NUDT4: variants seen among roughly 807,000 people sequenced by gnomAD.
NUDT4 encodes the protein diphosphoinositol polyphosphate phosphohydrolase 2.
In NUDT4, 5 loss-of-function variants were observed where a neutral mutation model predicts 23.1. The observed-to-expected ratio is 0.22, with a 90% confidence interval of 0.11 to 0.46. The LOEUF is 0.46. Among genes scored for constraint, NUDT4 ranks in the 20% least tolerant of loss-of-function variants. NUDT4 has a pLI of 0.99. For missense variants in NUDT4, 96 were observed against 211.6 expected, an observed-to-expected ratio of 0.45 and a Z score of 3.39; for synonymous variants, 50 against 79.0, an observed-to-expected ratio of 0.63 and a Z score of 1.95.
At chr12:93,393,457 G>T (rs1285861706) in intron 1 of NUDT4, among the ~76,000 whole-genome samples, 1 of 152,042 alleles carries the variant, frequency 6.6e-6, no homozygotes, top group Non-Finnish European at 1.5e-5. Context: ...TCCAAATTAA[G>T]GGCCAGACAA....
chr12:93,394,561 C>T (rs377601778), intron 1 of NUDT4, 48 bp from the exon 2 acceptor site: 52 of 1,030,712 alleles, frequency 5.0e-5, no homozygotes, highest in African/African-American at 9.6e-5. Flanking sequence ...TGTTTATATA[C>T]GAAGTGCTTC....
chr12:93,397,464 T>C (rs1877012350), intron 3 of NUDT4, among the ~76,000 whole-genome samples: 1 of 152,046 alleles, frequency 6.6e-6, no homozygotes, highest in Admixed American at 6.5e-5. Flanking sequence ...TTAATCAGGA[T>C]GAAGGAAGGC....
intron 1 of NUDT4, among the ~76,000 whole-genome samples, chr12:93,384,462 T>G (rs2120875448): frequency 6.6e-6 from 1 of 151,998 alleles, no homozygotes; most frequent in East Asian, 1.9e-4. Context: ...CCACCGTGCC[T>G]GGCCTGGGGT....
At position 93,399,212 on chromosome 12, in the gene NUDT4, A is replaced by G; in HGVS notation, c.376A>G (p.Ile126Val). The G allele has an allele frequency of 6.2e-7, 1 of 1,601,896 alleles. No homozygotes were observed. The highest frequency in any genetic ancestry group is 8.6e-7 in the Non-Finnish European group (1 of 1,169,122). ...AGAGTGGTTCAAAGTAGAAGATGCT[A>G]TCAAAGTTCTCCAGTGTCATAAACC... Reference protein sequence around the residue: ...KREWFKVEDAIKVLQCHKPVH... With the variant: ...KREWFKVEDAVKVLQCHKPVH... Residue 126 changes from isoleucine (I) to valine (V), a missense_variant, in exon 5 of 5, where the codon ATC (isoleucine) becomes GTC (valine). By Grantham distance (29) the Ile-to-Val change is conservative. Transcript: ENST00000415493.
Position 93,407,953 on chromosome 12 carries a change from C to G in NUDT4, c.*8574C>G, listed in dbSNP as rs917114159. The G allele has an allele frequency of 2.6e-5, 4 of 152,244 alleles. No individual in the cohort carries two copies. Among genetic ancestry groups the G allele is most frequent in the African/African-American group, 9.6e-5 (4 of 41,472 alleles). The allele number at this position is 152,244 out of a possible 1,614,324, so 9.4% of individuals were successfully genotyped here. On this transcript the variant is annotated 3_prime_UTR_variant, in exon 5 of 5. Transcript: ENST00000415493. The stretch of plus-strand genomic sequence containing the variant: ...ATGATACCATGAAATTAGAAATTCA[C>G]TGCATTTGAAATGAAAATGACTTAT...
At chr12:93,390,108 T>G (rs1208870334) in intron 1 of NUDT4, among the ~76,000 whole-genome samples, 2 of 152,222 alleles carry the variant, frequency 1.3e-5, no homozygotes, top group Non-Finnish European at 2.9e-5. Flanking sequence ...TTGAACTCCC[T>G]ATTTACTATT....
intron 1 of NUDT4, among the ~76,000 whole-genome samples, chr12:93,386,579 C>CAAA: frequency 7.5e-6 from 1 of 133,468 alleles, no homozygotes; most frequent in Non-Finnish European, 1.6e-5. Flanking sequence ...GACCCTGTTT[C>CAAA]AAAAAAAAAA....
rs1175756118 is a variant in NUDT4, at chr12:93,378,394, G to C, written c.72G>C (p.Leu24=). 1 of 1,554,440 alleles carries C rather than the reference G, an allele frequency of 6.4e-7. No homozygotes were observed. ...GCTTCAAGAAGCGGGCGGCGTGCCT[G>C]TGCTTCCGGAGCGAGCAGGAGGACG... ...REGFKKRAAC[L]CFRSEQEDEV... is the part of the protein sequence containing the mutation. The change falls in exon 1 of 5, where the codon CTG becomes CTC. Residue 24 remains leucine (L), a synonymous_variant. Coordinates refer to ENST00000415493, the MANE Select transcript of NUDT4 (RefSeq NM_019094.6).
At chr12:93,398,133 G>C (rs144870609) in intron 3 of NUDT4, among the ~76,000 whole-genome samples, 1 of 151,798 alleles carries the variant, frequency 6.6e-6, no homozygotes, top group Admixed American at 6.6e-5. Context: ...ATGAGGTCAG[G>C]GTTTAAGACC....
At chr12:93,389,130 T>C (rs1240488996) in intron 1 of NUDT4, among the ~76,000 whole-genome samples, 2 of 152,232 alleles carry the variant, frequency 1.3e-5, no homozygotes, top group Non-Finnish European at 2.9e-5. Flanking sequence ...TGTGAATCAT[T>C]TCTGGACCAT....
In NUDT4 at chr12:93,401,778, TC is replaced by T. The variant is rs1251513346; in HGVS notation, c.*2401del. On this transcript the variant is annotated 3_prime_UTR_variant, in exon 5 of 5. Coordinates refer to ENST00000415493, the MANE Select transcript of NUDT4 (RefSeq NM_019094.6). Reference sequence around the variant, plus strand: ...TTACATGAGGGGTTCTTCACGATTCTCCTGGAACCCAGTCTAGCAAAATGAG... The same window carrying T: ...TTACATGAGGGGTTCTTCACGATTCTCTGGAACCCAGTCTAGCAAAATGAG... 7.2e-6 allele frequency: 1 copy of T among 139,718 alleles called. No homozygotes were observed. Among genetic ancestry groups the T allele is most frequent in the Non-Finnish European group, 1.6e-5 (1 of 62,872 alleles). 8.7% of individuals were successfully genotyped at this position (139,718 alleles called of 1,614,324 possible).
rs1294083133 is a variant in NUDT4 at position 93,385,951 on chromosome 12, A to T, written c.99+7530A>T. Among the ~76,000 whole-genome samples the T allele has an allele frequency of 3.0e-5, 4 of 135,194 alleles. No individual in the cohort carries two copies. The South Asian group carries it at 7.0e-4, about 24-fold the overall frequency. 88.7% of individuals were successfully genotyped at this position (135,194 alleles called of 152,430 possible). A position where few individuals can be genotyped will look rare whatever the true frequency, so the allele number is the denominator to read the frequency against. ...ATATAGTAAATCTTTTTATATATAT[A>T]TATATATATATATATATATACATAA... On this transcript the variant is annotated intron_variant, in intron 1 of 4. Coordinates refer to ENST00000415493, the MANE Select transcript of NUDT4 (RefSeq NM_019094.6).
intron 1 of NUDT4, among the ~76,000 whole-genome samples, chr12:93,390,077 A>T (rs1876378304): frequency 6.6e-6 from 1 of 152,212 alleles, no homozygotes; most frequent in Non-Finnish European, 1.5e-5. Context: ...CAGGACTGCA[A>T]CATTTTGAAT....
chr12:93,395,583 C>A, intron 3 of NUDT4, 50 bp downstream of exon 3: 2 of 1,397,096 alleles, frequency 1.4e-6, no homozygotes, highest in East Asian at 2.3e-5. Context: ...TTAATGATTT[C>A]TTCCTAACCA....
intron 1 of NUDT4, among the ~76,000 whole-genome samples, chr12:93,382,619 A>G (rs1875753568): frequency 6.8e-6 from 1 of 147,740 alleles, no homozygotes; most frequent in South Asian, 2.2e-4. Context: ...CCTTGAAGGT[A>G]TTTCTTTCAA....
rs575340766 is a variant in NUDT4, at chr12:93,404,214, A to G, written c.*4835A>G. 5 of 152,362 alleles carry G rather than the reference A, an allele frequency of 3.3e-5. No homozygotes were observed. Among genetic ancestry groups the G allele is most frequent in the Admixed American group, 6.5e-5 (1 of 15,300 alleles). The allele number at this position is 152,362 out of a possible 1,614,324, so 9.4% of individuals were successfully genotyped here. On this transcript the variant is annotated 3_prime_UTR_variant, in exon 5 of 5. Transcript: ENST00000415493. The stretch of plus-strand genomic sequence containing the variant: ...ACGAAGTAAATATACTAGGAATTCA[A>G]CGTATCTACGGGAATGTGGACAAAG...
At chr12:93,382,500 C>T (rs988186876) in intron 1 of NUDT4, among the ~76,000 whole-genome samples, 1 of 152,050 alleles carries the variant, frequency 6.6e-6, no homozygotes, top group Non-Finnish European at 1.5e-5. Flanking sequence ...AATACTAATT[C>T]AAAATATTAC....
In NUDT4 at chr12:93,407,694, G is replaced by A. The variant is rs1490804726; in HGVS notation, c.*8315G>A. 1 of 152,188 alleles carries A rather than the reference G, an allele frequency of 6.6e-6. No homozygotes were observed. Among genetic ancestry groups the A allele is most frequent in the African/African-American group, 2.4e-5 (1 of 41,444 alleles). 9.4% of individuals were successfully genotyped at this position (152,188 alleles called of 1,614,324 possible). A position where few individuals can be genotyped will look rare whatever the true frequency, so the allele number is the denominator to read the frequency against. ...TGCAAATCTCCCAATTTTTAAAAAT[G>A]TTGGCATCAAATTCAGAATGTTTTA... On this transcript the variant is annotated 3_prime_UTR_variant, in exon 5 of 5. Coordinates refer to ENST00000415493, the MANE Select transcript of NUDT4 (RefSeq NM_019094.6).
chr12:93,381,983 C>T (rs1875692643), intron 1 of NUDT4, among the ~76,000 whole-genome samples: 1 of 152,130 alleles, frequency 6.6e-6, no homozygotes, highest in East Asian at 1.9e-4. Context: ...ACAGGCCAGG[C>T]AGGTGGCTCA....
Sources: allele counts gnomAD v4.1 joint callset (sites outside exome capture counted in the v4.1 genomes callset), GRCh38; gene constraint gnomAD v4.1.1; transcripts MANE v1.5; gene names NCBI Gene and HGNC (gene_info 2026-07-23, HGNC 2026-07-21).